Variants in MAP1B observed in about 807,000 individuals in gnomAD.
MAP1B encodes the protein microtubule-associated protein 1B.
In MAP1B, 12 loss-of-function variants were observed where a neutral mutation model predicts 176.1. That is an observed-to-expected ratio of 0.07 (90% confidence interval 0.04 to 0.11). The LOEUF (loss-of-function observed/expected upper bound fraction) is 0.11. Among genes scored for constraint, MAP1B ranks in the 10% least tolerant of loss-of-function variants. The pLI is 1.00. For synonymous variants in MAP1B, 1,044 were observed against 1,135.0 expected, an observed-to-expected ratio of 0.92 and a Z score of 1.61; for missense variants, 2,523 against 2,990.5, an observed-to-expected ratio of 0.84 and a Z score of 3.65.
intron 2 of MAP1B, among the ~76,000 whole-genome samples, chr5:72,118,199 C>T (rs1367286703): frequency 6.6e-6 from 1 of 152,102 alleles, no homozygotes; most frequent in Non-Finnish European, 1.5e-5. Context: ...TTTTTTGAGA[C>T]AGGGTCTCAC....
At chr5:72,150,285 A>C (rs920359239) in intron 2 of MAP1B, among the ~76,000 whole-genome samples, 1 of 151,894 alleles carries the variant, frequency 6.6e-6, no homozygotes, top group Admixed American at 6.6e-5. Context: ...TACTCAGAAA[A>C]CCTAATTTGC....
At chr5:72,130,513 C>T (rs1008114777) in intron 2 of MAP1B, among the ~76,000 whole-genome samples, 49 of 152,330 alleles carry the variant, frequency 3.2e-4, no homozygotes, top group African/African-American at 1.0e-3. Context: ...AGAAATCTCA[C>T]ATCTTTTATT....
At chr5:72,163,057 G>A (rs1222839528) in intron 2 of MAP1B, among the ~76,000 whole-genome samples, 1 of 151,878 alleles carries the variant, frequency 6.6e-6, no homozygotes, top group African/African-American at 2.4e-5. Flanking sequence ...GTGACACCCT[G>A]TCTGTCCTAA....
intron 1 of MAP1B, among the ~76,000 whole-genome samples, chr5:72,113,725 A>G (rs1371754629): frequency 6.6e-6 from 1 of 152,248 alleles, no homozygotes; most frequent in African/African-American, 2.4e-5. Flanking sequence ...GACAAAGTAG[A>G]GCTCAGACCT....
At chr5:72,156,615 T>A (rs1746233098) in intron 2 of MAP1B, among the ~76,000 whole-genome samples, 1 of 152,218 alleles carries the variant, frequency 6.6e-6, no homozygotes. Context: ...TGCTTTCCAA[T>A]GCAGTTCCCA....
chr5:72,176,167 G>T (rs996530870), intron 2 of MAP1B, among the ~76,000 whole-genome samples: 1 of 152,224 alleles, frequency 6.6e-6, no homozygotes, highest in African/African-American at 2.4e-5. Context: ...GGCGTGTGTG[G>T]GAGGCCATAG....
chr5:72,171,397 G>A (rs2112194451), intron 2 of MAP1B, among the ~76,000 whole-genome samples: 1 of 152,242 alleles, frequency 6.6e-6, no homozygotes, highest in East Asian at 1.9e-4. Context: ...AGACCAGCCT[G>A]GGCAACATAG....
Position 72,197,107 on chromosome 5 carries a change from T to C in MAP1B, c.3752T>C (p.Val1251Ala). 6.2e-7 allele frequency: 1 copy of C among 1,614,178 alleles called. No homozygotes were observed. The highest frequency in any genetic ancestry group is 2.2e-5 in the East Asian group (1 of 44,882). The change falls in exon 5 of 7, where the codon GTC (valine) becomes GCC (alanine). Residue 1251 changes from valine (V) to alanine (A), a missense_variant. Val to Ala is a moderately conservative substitution (Grantham distance 64). Around this residue, in one of 4 missense-constraint regions of MAP1B, gnomAD observed 1,925 missense variants for 2,126.0 expected, o/e 0.91. Transcript: ENST00000296755. ...ATCTCAGCTGTTTCAAGTGAAAAGG[T>C]CAGCCCATCGAAGAGCCCGTCCCTG... ...DSISAVSSEK[V>A]SPSKSPSLSP...
chr5:72,143,368 C>T (rs1412569424), intron 2 of MAP1B, among the ~76,000 whole-genome samples: 1 of 152,162 alleles, frequency 6.6e-6, no homozygotes, highest in Non-Finnish European at 1.5e-5. Flanking sequence ...GTACCCTCAA[C>T]AGAATCCAGC....
At chr5:72,107,765 C>T (rs781199852) in intron 1 of MAP1B, 50 bp downstream of exon 1, 5 of 1,583,026 alleles carry the variant, frequency 3.2e-6, no homozygotes, top group Non-Finnish European at 4.3e-6. Flanking sequence ...CGCGCAAACA[C>T]GACCCCACCC....
intron 2 of MAP1B, among the ~76,000 whole-genome samples, chr5:72,168,759 A>G (rs576598968): frequency 6.6e-6 from 1 of 152,224 alleles, no homozygotes; most frequent in African/African-American, 2.4e-5. Flanking sequence ...GCTCTTTGTC[A>G]TGGGTTTCAG....
chr5:72,107,684 C>A lies in MAP1B; in HGVS notation c.153C>A (p.His51Gln). ...VVVGEIVTEEHLRRAIGNIEL... is the reference protein window; with the variant it reads ...VVVGEIVTEEQLRRAIGNIEL... ...TCGGCGAGATCGTGACCGAGGAGCACCTGCGGCGTGCCATCGGCAACATCG... is the reference window on the plus strand; with the variant it reads ...TCGGCGAGATCGTGACCGAGGAGCAACTGCGGCGTGCCATCGGCAACATCG... Residue 51 changes from histidine to glutamine, a missense_variant, in exon 1 of 7, where the codon CAC becomes CAA. Physicochemically the swap from His to Gln is conservative, Grantham distance 24. Coordinates refer to ENST00000296755, the MANE Select transcript of MAP1B (RefSeq NM_005909.5). The A allele has an allele frequency of 6.3e-7, 1 of 1,599,984 alleles. No individual in the cohort carries two copies. The highest frequency in any genetic ancestry group is 8.5e-7 in the Non-Finnish European group (1 of 1,179,644).
intron 2 of MAP1B, among the ~76,000 whole-genome samples, chr5:72,147,141 G>T (rs543821580): frequency 6.6e-6 from 1 of 151,852 alleles, no homozygotes; most frequent in African/African-American, 2.4e-5. Context: ...GCTAATTTTT[G>T]TATTTTTAGT....
chr5:72,201,218 TTTAATTAGCTGGGTGTGGTGGCACGTGC>T (rs139622462), intron 5 of MAP1B, among the ~76,000 whole-genome samples: 41,394 of 151,822 alleles, frequency 0.27, 6,009 homozygotes, highest in Middle Eastern at 0.36. Flanking sequence ...AAAAATGTTT[TTTAATTAGCTGGGTGTGGTGGCACGTGC>T]TTATAGTCTT....
Position 72,198,105 on chromosome 5 carries a change from A to G in MAP1B, c.4750A>G (p.Thr1584Ala). The change falls in exon 5 of 7, where the codon ACA becomes GCA. Residue 1584 changes from threonine (T) to alanine (A), a missense_variant. Physicochemically the swap from Thr to Ala is moderately conservative, Grantham distance 58. Transcript: ENST00000296755. ...TGCTGAGGTTGGCTCCCCACATTCC[A>G]CAGAAGTAGATGACTCCCTTTCAGT... Reference protein sequence around the residue: ...LHAEVGSPHSTEVDDSLSVSV... With the variant: ...LHAEVGSPHSAEVDDSLSVSV... The G allele has an allele frequency of 6.2e-7, 1 of 1,614,116 alleles. No homozygotes were observed. Among genetic ancestry groups the G allele is most frequent in the Non-Finnish European group, 8.5e-7 (1 of 1,180,004 alleles).
rs1345540710 is a variant in MAP1B, at chr5:72,197,088, G to T, written c.3733G>T (p.Ala1245Ser). ...TTLDIKDSIS[A>S]VSSEKVSPSK... Reference sequence around the variant, plus strand: ...TTTGGACATCAAAGATAGCATCTCAGCTGTTTCAAGTGAAAAGGTCAGCCC... The same window carrying T: ...TTTGGACATCAAAGATAGCATCTCATCTGTTTCAAGTGAAAAGGTCAGCCC... The change falls in exon 5 of 7, where the codon GCT becomes TCT. Residue 1245 changes from alanine (A) to serine (S), a missense_variant. Coordinates refer to ENST00000296755, the MANE Select transcript of MAP1B (RefSeq NM_005909.5). 6.2e-6 allele frequency: 10 copies of T among 1,614,228 alleles called. 1 individual carries two copies. The South Asian group carries it at 1.1e-4, about 18-fold the overall frequency.
In MAP1B at chr5:72,205,376, G is replaced by C; in HGVS notation, c.*137G>C. ...CCTGCCAAATGCTATACTGTGTCAT[G>C]GTGATGCAAGTCACTAAATTTCTCA... On this transcript the variant is annotated 3_prime_UTR_variant, in exon 7 of 7. Coordinates refer to ENST00000296755, the MANE Select transcript of MAP1B (RefSeq NM_005909.5). The C allele has an allele frequency of 2.5e-6, 2 of 794,222 alleles. No homozygotes were observed. Among genetic ancestry groups the C allele is most frequent in the South Asian group, 4.2e-5 (2 of 47,914 alleles). The allele number at this position is 794,222 out of a possible 1,614,324, so 49.2% of individuals were successfully genotyped here.
chr5:72,109,725 T>C (rs972527719), intron 1 of MAP1B, among the ~76,000 whole-genome samples: 6 of 152,222 alleles, frequency 3.9e-5, no homozygotes, highest in African/African-American at 1.2e-4. Context: ...TTTCTGACCC[T>C]GTCATGATGT....
Position 72,159,403 on chromosome 5 carries a change from A to G in MAP1B, c.287-24340A>G, listed in dbSNP as rs185796843. On this transcript the variant is annotated intron_variant, in intron 2 of 6. Transcript: ENST00000296755. The stretch of plus-strand genomic sequence containing the variant: ...TGGAATTTCTCTGAAGAGAGCAAAA[A>G]TGTCTGGTGTCTGGAAGCTACTAAA... Among the ~76,000 whole-genome samples the G allele has an allele frequency of 3.3e-5, 5 of 149,980 alleles. No individual in the cohort carries two copies. In the East Asian group the frequency reaches 9.9e-4, roughly 30 times the overall value.
Sources: allele counts gnomAD v4.1 joint callset (sites outside exome capture counted in the v4.1 genomes callset), GRCh38; gene constraint gnomAD v4.1.1; regional missense constraint gnomAD v4.1.1; transcripts MANE v1.5; gene names NCBI Gene and HGNC (gene_info 2026-07-23, HGNC 2026-07-21).